SIL1: variants seen among roughly 807,000 people sequenced by gnomAD.
SIL1 encodes nucleotide exchange factor SIL1.
Under a neutral mutation model 49.1 loss-of-function variants are expected in SIL1, and 40 were observed. That is an observed-to-expected ratio of 0.81 (90% CI 0.63 to 1.06). SIL1 has a LOEUF of 1.06. Ranked by LOEUF, SIL1 falls within the 50% of genes least tolerant of loss-of-function variation. The pLI, the probability that SIL1 is intolerant of heterozygous loss-of-function variation, is 0.00. For missense variants in SIL1, 500 were observed against 572.6 expected (o/e 0.87, Z 1.29); for synonymous variants, 253 against 250.8 (o/e 1.01, Z -0.08).
intron 7 of SIL1, among the ~76,000 whole-genome samples, chr5:138,986,328 T>C (rs1251301547): frequency 2.0e-5 from 3 of 152,190 alleles, no homozygotes; most frequent in African/African-American, 7.2e-5. Flanking sequence ...GCTCCAGATG[T>C]GTCTCTGAGT....
At chr5:139,145,912 A>T (rs1471866726) in intron 1 of SIL1, among the ~76,000 whole-genome samples, 1 of 151,760 alleles carries the variant, frequency 6.6e-6, no homozygotes, top group African/African-American at 2.4e-5. Context: ...TAAATAAAAA[A>T]AAAAATAAAG....
At chr5:139,165,534 G>T (rs2151812526) in intron 1 of SIL1, among the ~76,000 whole-genome samples, 1 of 152,198 alleles carries the variant, frequency 6.6e-6, no homozygotes, top group South Asian at 2.1e-4. Flanking sequence ...ATTTTTAGTA[G>T]AAACAGGGTT....
rs532587455 is a variant in SIL1 at position 139,033,382 on chromosome 5, C to A, written c.454-6390G>T. ...TTCATGTTTTCAATTTCATTGATTT[C>A]TGCTCTTTATTTCCTTCCTTCTGCT... On this transcript the variant is annotated intron_variant, in intron 5 of 9. Transcript: ENST00000394817. Among the ~76,000 whole-genome samples, 4 of 151,766 alleles carry A rather than the reference C, an allele frequency of 2.6e-5. No individual in the cohort carries two copies. In the East Asian group the frequency reaches 5.8e-4, roughly 22 times the overall value.
intron 7 of SIL1, among the ~76,000 whole-genome samples, chr5:139,004,193 G>T (rs1768057914): frequency 6.6e-6 from 1 of 152,108 alleles, no homozygotes; most frequent in African/African-American, 2.4e-5. Flanking sequence ...TTGAGATAGG[G>T]TCTTGTTATG....
chr5:139,173,853 G>A (rs1751826801), intron 1 of SIL1, among the ~76,000 whole-genome samples: 1 of 150,580 alleles, frequency 6.6e-6, no homozygotes, highest in Non-Finnish European at 1.5e-5. Flanking sequence ...CAGCTACTCA[G>A]GAGGCTGAGG....
At chr5:139,153,299 A>G (rs1014366821) in intron 1 of SIL1, among the ~76,000 whole-genome samples, 2 of 152,010 alleles carry the variant, frequency 1.3e-5, no homozygotes, top group African/African-American at 4.8e-5. Context: ...GGCCTTCCCC[A>G]ACCCTCCCCA....
chr5:139,019,079 T>C (rs1275120376), intron 7 of SIL1, among the ~76,000 whole-genome samples: 1 of 152,178 alleles, frequency 6.6e-6, no homozygotes, highest in Non-Finnish European at 1.5e-5. Context: ...CTAGATACTA[T>C]CCCCAGTGCT....
At position 139,101,278 on chromosome 5, in the gene SIL1, C is replaced by T. The variant is rs115891486; in HGVS notation, c.244+19757G>A. Among the ~76,000 whole-genome samples the T allele has an allele frequency of 3.6e-3, 548 of 152,292 alleles. 2 individuals carry two copies. The highest frequency in any genetic ancestry group is 0.013 in the African/African-American group (525 of 41,558). On this transcript the variant is annotated intron_variant, in intron 3 of 9. Coordinates refer to ENST00000394817, the MANE Select transcript of SIL1 (RefSeq NM_022464.5). ...ATTACTGCCACTACCTCTTTGCAAG[C>T]TGCTCCTCCCACCTGGAAAACCCTT...
At chr5:139,015,119 A>G (rs980265780) in intron 7 of SIL1, among the ~76,000 whole-genome samples, 5 of 152,212 alleles carry the variant, frequency 3.3e-5, no homozygotes, top group African/African-American at 1.2e-4. Context: ...CAAGGTATCA[A>G]TTTATTCCTT....
chr5:139,105,629 A>T (rs745333090), intron 3 of SIL1, among the ~76,000 whole-genome samples: 1 of 152,230 alleles, frequency 6.6e-6, no homozygotes, highest in South Asian at 2.1e-4. Context: ...TGCATAATGC[A>T]TGCAGGCCCG....
intron 2 of SIL1, among the ~76,000 whole-genome samples, chr5:139,121,924 A>G (rs1308271646): frequency 6.6e-6 from 1 of 152,174 alleles, no homozygotes; most frequent in African/African-American, 2.4e-5. Flanking sequence ...AGTATTATTC[A>G]TTTTGCTCTT....
Position 138,946,987 on chromosome 5 carries a change from G to A in SIL1, c.*130C>T, listed in dbSNP as rs1474173812. 2.7e-6 allele frequency: 2 copies of A among 748,400 alleles called. No individual in the cohort carries two copies. The highest frequency in any genetic ancestry group is 4.8e-6 in the Non-Finnish European group (2 of 420,346). 46.4% of individuals were successfully genotyped at this position (748,400 alleles called of 1,614,324 possible). A position where few individuals can be genotyped will look rare whatever the true frequency, so the allele number is the denominator to read the frequency against. On this transcript the variant is annotated 3_prime_UTR_variant, in exon 10 of 10. Transcript: ENST00000394817. ...CTACACAGACACACAGCAGAAAGAG[G>A]ATGGCCTTCAGGTTTCCATTTAATG...
At chr5:139,071,404 C>G (rs1275266058) in intron 3 of SIL1, among the ~76,000 whole-genome samples, 2 of 152,102 alleles carry the variant, frequency 1.3e-5, no homozygotes, top group African/African-American at 4.8e-5. Context: ...GGAAATATTA[C>G]AGTTGGAGGG....
intron 3 of SIL1, among the ~76,000 whole-genome samples, chr5:139,051,799 T>C (rs1214256213): frequency 6.6e-6 from 1 of 152,242 alleles, no homozygotes; most frequent in Non-Finnish European, 1.5e-5. Flanking sequence ...TGTGAATCGA[T>C]GGGCTATTCC....
intron 7 of SIL1, among the ~76,000 whole-genome samples, chr5:139,002,558 A>G (rs1561822642): frequency 6.6e-6 from 1 of 152,230 alleles, no homozygotes; most frequent in Non-Finnish European, 1.5e-5. Flanking sequence ...TTCCATATAG[A>G]AATGTATCAT....
intron 1 of SIL1, among the ~76,000 whole-genome samples, chr5:139,128,887 AC>A (rs1750806644): frequency 6.6e-6 from 1 of 152,172 alleles, no homozygotes; most frequent in Non-Finnish European, 1.5e-5. Context: ...GGTGGCTCAC[AC>A]CTATAGTTCC....
chr5:138,998,027 G>T (rs1446772088), intron 7 of SIL1, among the ~76,000 whole-genome samples: 1 of 152,142 alleles, frequency 6.6e-6, no homozygotes, highest in African/African-American at 2.4e-5. Flanking sequence ...GGATTGCATT[G>T]AATCTGTAAA....
chr5:138,983,486 C>T (rs544352055), intron 7 of SIL1, among the ~76,000 whole-genome samples: 22 of 149,904 alleles, frequency 1.5e-4, no homozygotes, highest in Admixed American at 1.4e-3. Flanking sequence ...CCAGCCTGGG[C>T]GACAGAGCGA....
chr5:138,997,506 T>C (rs1581016232), intron 7 of SIL1, among the ~76,000 whole-genome samples: 1 of 152,182 alleles, frequency 6.6e-6, no homozygotes, highest in African/African-American at 2.4e-5. Flanking sequence ...CTGGGTTGTT[T>C]TGTTGGTTTG....
Sources: allele counts gnomAD v4.1 joint callset (sites outside exome capture counted in the v4.1 genomes callset), GRCh38; gene constraint gnomAD v4.1.1; transcripts MANE v1.5; gene names NCBI Gene and HGNC (gene_info 2026-07-23, HGNC 2026-07-21).